Variants in JHY observed in about 807,000 individuals in gnomAD.
JHY encodes junctional cadherin complex regulator.
Under a neutral mutation model 78.0 loss-of-function variants are expected in JHY, and 69 were observed. The observed-to-expected ratio is 0.88, with a 90% CI of 0.73 to 1.08. The LOEUF (loss-of-function observed/expected upper bound fraction) is 1.08. Among genes scored for constraint, JHY ranks in the 50% least tolerant of loss-of-function variants. JHY has a pLI of 0.00. For synonymous variants in JHY, 368 were observed against 342.6 expected (o/e 1.07, Z -0.82); for missense variants, 944 against 927.8 (o/e 1.02, Z -0.23).
At chr11:122,927,951 G>A (rs886469172) in intron 4 of JHY, among the ~76,000 whole-genome samples, 10 of 152,010 alleles carry the variant, frequency 6.6e-5, no homozygotes, top group Admixed American at 4.6e-4. Flanking sequence ...GGCTGGTCTC[G>A]AACTCCTGAC....
chr11:122,934,548 G>A lies in JHY; in HGVS notation c.1107G>A (p.Gln369=), dbSNP rs201240481. Residue 369 remains glutamine (Q), a synonymous_variant, in exon 5 of 9, where the codon CAG becomes CAA. Transcript: ENST00000227349. Reference sequence around the variant, plus strand: ...CAGCCAAGCTCAAGATTCGAAAGCAGTGTAAACACCAGAATGGCCTGAAGT... The same window carrying A: ...CAGCCAAGCTCAAGATTCGAAAGCAATGTAAACACCAGAATGGCCTGAAGT... ...RRPAKLKIRK[Q]CKHQNGLKSS... The A allele has an allele frequency of 1.1e-5, 17 of 1,614,088 alleles. No individual in the cohort carries two copies. Among genetic ancestry groups the A allele is most frequent in the Admixed American group, 6.7e-5 (4 of 60,012 alleles).
intron 3 of JHY, among the ~76,000 whole-genome samples, chr11:122,911,233 A>C (rs528945406): frequency 1.8e-4 from 27 of 152,206 alleles, no homozygotes; most frequent in Non-Finnish European, 2.8e-4. Flanking sequence ...TGCTCTATAC[A>C]TGTTATTTGA....
rs573039737 is a variant in JHY at position 122,914,368 on chromosome 11, T to C, written c.864+9924T>C. ...ATGGTCATTTTTTTGTAATTATATT[T>C]GGTTAGAAACATAGAATTATCTTCT... On this transcript the variant is annotated intron_variant, in intron 3 of 8. Coordinates refer to ENST00000227349, the MANE Select transcript of JHY (RefSeq NM_024806.4). 3.9e-5 allele frequency among the ~76,000 whole-genome samples: 6 copies of C among 152,332 alleles called. No homozygotes were observed. The East Asian group carries it at 1.2e-3, about 29-fold the overall frequency.
intron 5 of JHY, among the ~76,000 whole-genome samples, chr11:122,946,126 C>T (rs181799909): frequency 9.9e-5 from 15 of 152,082 alleles, no homozygotes; most frequent in East Asian, 3.8e-4. Context: ...TCCTTTTGTT[C>T]GTTTTGGTCT....
chr11:122,938,183 C>A (rs541317031), intron 5 of JHY, among the ~76,000 whole-genome samples: 17 of 152,172 alleles, frequency 1.1e-4, no homozygotes, highest in African/African-American at 4.1e-4. Context: ...GGGAAAATTT[C>A]TTGAGTCATC....
chr11:122,893,820 C>T (rs1427343266), intron 2 of JHY, among the ~76,000 whole-genome samples: 3 of 152,138 alleles, frequency 2.0e-5, no homozygotes. Context: ...ATTATTAGAG[C>T]TGTTAGGGCT....
In JHY at chr11:122,924,952, T is replaced by A; in HGVS notation, c.920T>A (p.Met307Lys). ...ACGTCTATTCAGAATGCCAAGGAAA[T>A]GGAAAATGCTGCCATCGATCCTGAA... ...DKTSIQNAKEMENAAIDPEDK... is the reference protein window; with the variant it reads ...DKTSIQNAKEKENAAIDPEDK... Residue 307 changes from methionine (M) to lysine (K), a missense_variant, in exon 4 of 9, where the codon ATG becomes AAG. Coordinates refer to ENST00000227349, the MANE Select transcript of JHY (RefSeq NM_024806.4). 6.2e-7 allele frequency: 1 copy of A among 1,614,100 alleles called. No homozygotes were observed. The highest frequency in any genetic ancestry group is 1.3e-5 in the African/African-American group (1 of 75,036).
At chr11:122,884,868 C>T (rs940432971) in intron 1 of JHY, among the ~76,000 whole-genome samples, 2 of 152,114 alleles carry the variant, frequency 1.3e-5, no homozygotes, top group African/African-American at 4.8e-5. Flanking sequence ...GGCACTCCAG[C>T]TCACTGCAGC....
chr11:122,963,517 G>A lies in JHY; in HGVS notation c.*4072G>A, dbSNP rs767159379. Among the ~76,000 whole-genome samples the A allele has an allele frequency of 1.3e-5, 2 of 152,164 alleles. No homozygotes were observed. Among genetic ancestry groups the A allele is most frequent in the Admixed American group, 6.6e-5 (1 of 15,266 alleles). On this transcript the variant is annotated 3_prime_UTR_variant, in exon 9 of 9. Transcript: ENST00000227349. The stretch of plus-strand genomic sequence containing the variant: ...CGTCATCTCACAATAGTGAAATACA[G>A]CAGAATGTCACTAAACTACCATAAA...
At position 122,883,226 on chromosome 11, in the gene JHY, C is replaced by G. The variant is rs1344893299; in HGVS notation, c.-90+254C>G. ...GTTCCCGGTCAATTAGGACCGGTCC[C>G]GGGCACCAGGCCCGCCGACTTGTCA... On this transcript the variant is annotated intron_variant, in intron 1 of 8. Transcript: ENST00000227349. This position sits in a 1 kb window ranked among gnomAD's most constrained non-coding sequence, Gnocchi z 4.4. 6.6e-6 allele frequency among the ~76,000 whole-genome samples: 1 copy of G among 152,178 alleles called. No homozygotes were observed. The highest frequency in any genetic ancestry group is 2.4e-5 in the African/African-American group (1 of 41,466).
rs1864216247 is a variant in JHY at position 122,957,453 on chromosome 11, G to GA, written c.2107dup (p.Thr703AsnfsTer17). On this transcript the variant is annotated frameshift_variant, in exon 8 of 9. Transcript: ENST00000227349. LOFTEE classifies it low-confidence loss of function (END_TRUNC). ...ATCCATTCTATCAAAACCACAAACA[G>GA]AAAAAACTCAAAAGAAATCTGCTAT... 1 of 1,515,722 alleles carries GA rather than the reference G, an allele frequency of 6.6e-7. No homozygotes were observed. The highest frequency in any genetic ancestry group is 8.8e-7 in the Non-Finnish European group (1 of 1,141,640). 93.9% of individuals were successfully genotyped at this position (1,515,722 alleles called of 1,614,324 possible). A position where few individuals can be genotyped will look rare whatever the true frequency, so the allele number is the denominator to read the frequency against.
intron 5 of JHY, among the ~76,000 whole-genome samples, chr11:122,938,915 G>A (rs775503195): frequency 1.3e-5 from 2 of 152,048 alleles, no homozygotes; most frequent in East Asian, 1.9e-4. Flanking sequence ...AGCGAGCTGC[G>A]GAGAGAGGGA....
At chr11:122,891,064 C>G (rs1862605583) in intron 2 of JHY, among the ~76,000 whole-genome samples, 1 of 152,036 alleles carries the variant, frequency 6.6e-6, no homozygotes, top group African/African-American at 2.4e-5. Flanking sequence ...TTTATGAGCC[C>G]TGAAATAGAC....
In JHY at chr11:122,958,591, G is replaced by A. The variant is rs1315926097; in HGVS notation, c.2140-657G>A. On this transcript the variant is annotated intron_variant, in intron 8 of 8. Transcript: ENST00000227349. ...AGGACTGAAAGCATACAATCCATTT[G>A]TATTTCAGCTATCAACAACATCTTA... The A allele has an allele frequency of 1.5e-5, 5 of 343,736 alleles. No homozygotes were observed. The Admixed American group carries it at 2.6e-4, about 18-fold the overall frequency. 21.3% of individuals were successfully genotyped at this position (343,736 alleles called of 1,614,324 possible). A position where few individuals can be genotyped will look rare whatever the true frequency, so the allele number is the denominator to read the frequency against.
At position 122,959,507 on chromosome 11, in the gene JHY, C is replaced by T. The variant is rs1397387423; in HGVS notation, c.*62C>T. ...GGAATGAACGTGGAGAAAAGAAACG[C>T]CAACCACCTTCTCTGCGTTGAGAGT... On this transcript the variant is annotated 3_prime_UTR_variant, in exon 9 of 9. Transcript: ENST00000227349. 2.1e-6 allele frequency: 3 copies of T among 1,440,668 alleles called. No individual in the cohort carries two copies. The highest frequency in any genetic ancestry group is 2.9e-6 in the Non-Finnish European group (3 of 1,035,330). 89.2% of individuals were successfully genotyped at this position (1,440,668 alleles called of 1,614,324 possible).
Position 122,885,746 on chromosome 11 carries a change from TATA to T in JHY, c.-89-14_-89-12del. ...TTTAGTGGTCGCAGAGTAACATAAA[TATA>T]TTTTTTTTCAGGTAACGCTTTTGTG... On this transcript the variant is annotated splice_polypyrimidine_tract_variant and intron_variant, in intron 1 of 8. Coordinates refer to ENST00000227349, the MANE Select transcript of JHY (RefSeq NM_024806.4). 2.4e-6 allele frequency: 2 copies of T among 826,476 alleles called. No homozygotes were observed. The highest frequency in any genetic ancestry group is 3.8e-6 in the Non-Finnish European group (2 of 526,426). The allele number at this position is 826,476 out of a possible 1,614,324, so 51.2% of individuals were successfully genotyped here. A position where few individuals can be genotyped will look rare whatever the true frequency, so the allele number is the denominator to read the frequency against.
rs1864319835 is a variant in JHY at position 122,961,666 on chromosome 11, T to C, written c.*2221T>C. 6.6e-6 allele frequency among the ~76,000 whole-genome samples: 1 copy of C among 152,212 alleles called. No homozygotes were observed. Among genetic ancestry groups the C allele is most frequent in the South Asian group, 2.1e-4 (1 of 4,828 alleles). On this transcript the variant is annotated 3_prime_UTR_variant, in exon 9 of 9. Transcript: ENST00000227349. ...TACTACACCTGGCCCTATGATCACT[T>C]TTGAATAAGCAGTTTGCCTTTGTTA...
At chr11:122,926,265 T>C (rs1205787575) in intron 4 of JHY, among the ~76,000 whole-genome samples, 1 of 143,720 alleles carries the variant, frequency 7.0e-6, no homozygotes, top group Non-Finnish European at 1.6e-5. Context: ...CTCAGGTTTT[T>C]CTTGACCCGT....
At chr11:122,948,542 G>T (rs1451640573) in intron 6 of JHY, among the ~76,000 whole-genome samples, 1 of 151,454 alleles carries the variant, frequency 6.6e-6, no homozygotes, top group African/African-American at 2.4e-5. Context: ...CCTCCTCAGA[G>T]GAAGCTTCCA....
Sources: allele counts gnomAD v4.1 joint callset (sites outside exome capture counted in the v4.1 genomes callset), GRCh38; gene constraint gnomAD v4.1.1; non-coding constraint Gnocchi (gnomAD v3.1); transcripts MANE v1.5; gene names NCBI Gene and HGNC (gene_info 2026-07-23, HGNC 2026-07-21).